Variants in TRIM35 observed in about 807,000 individuals in gnomAD.
TRIM35 encodes the protein E3 ubiquitin-protein ligase TRIM35.
A neutral mutation model predicts 49.1 loss-of-function variants in TRIM35; 37 were observed. The ratio of observed to expected loss-of-function variants is 0.75; its 90% confidence interval spans 0.58 to 0.99. The LOEUF is 0.99. TRIM35 is among the 50% of genes least tolerant of loss of function. TRIM35 has a pLI of 0.00. For missense variants in TRIM35, 648 were observed against 702.7 expected (o/e 0.92, Z 0.88); for synonymous variants, 302 against 289.3 (o/e 1.04, Z -0.45).
chr8:27,308,321 A>C (rs1802829590), intron 1 of TRIM35, among the ~76,000 whole-genome samples: 3 of 152,246 alleles, frequency 2.0e-5, no homozygotes. Flanking sequence ...CATCTAGCAC[A>C]CAGTGAGCAC....
rs1024955869 is a variant in TRIM35 at position 27,286,853 on chromosome 8, A to C, written c.*697T>G. On this transcript the variant is annotated 3_prime_UTR_variant, in exon 6 of 6. Transcript: ENST00000305364. ...TTCCTATGGAAACCAACTAATCCGG[A>C]GCGATGGCGCCAGCTGCCTCCTTCA... 2.0e-5 allele frequency: 3 copies of C among 152,662 alleles called. No homozygotes were observed. Among genetic ancestry groups the C allele is most frequent in the African/African-American group, 7.2e-5 (3 of 41,432 alleles). 9.5% of individuals were successfully genotyped at this position (152,662 alleles called of 1,614,324 possible).
In TRIM35 at chr8:27,311,088, C is replaced by A; in HGVS notation, c.148G>T (p.Glu50Ter). 1 of 1,597,426 alleles carries A rather than the reference C, an allele frequency of 6.3e-7. No homozygotes were observed. Among genetic ancestry groups the A allele is most frequent in the Non-Finnish European group, 8.5e-7 (1 of 1,172,960 alleles). Residue 50 changes from glutamate to a stop codon, truncating the protein, a stop_gained, in exon 1 of 6, where the codon GAG becomes TAG. Transcript: ENST00000305364. LOFTEE classifies it high-confidence loss of function. ...GGGCAGGTGGGCGACACCTGCACCTCCCAGCAGCGGCTCACGCACCCGCGG... is the reference window on the plus strand; with the variant it reads ...GGGCAGGTGGGCGACACCTGCACCTACCAGCAGCGGCTCACGCACCCGCGG... Reference protein sequence around the residue: ...FCRGCVSRCWEVQVSPTCPVC... With the variant: ...FCRGCVSRCW
At chr8:27,292,315 G>A (rs577361748) in intron 3 of TRIM35, among the ~76,000 whole-genome samples, 1 of 152,190 alleles carries the variant, frequency 6.6e-6, no homozygotes, top group South Asian at 2.1e-4. Context: ...ATCTAGGTGT[G>A]CAGTAGGCTA....
intron 3 of TRIM35, among the ~76,000 whole-genome samples, chr8:27,291,583 A>G (rs1303274154): frequency 2.0e-5 from 3 of 152,366 alleles, no homozygotes; most frequent in South Asian, 4.1e-4. Context: ...ACATGTCCAC[A>G]TAAAAATTGC....
intron 1 of TRIM35, among the ~76,000 whole-genome samples, chr8:27,306,120 C>T (rs1802779051): frequency 6.6e-6 from 1 of 151,856 alleles, no homozygotes; most frequent in Non-Finnish European, 1.5e-5. Flanking sequence ...ATCCACTTCT[C>T]ATTACTTAGA....
Position 27,286,325 on chromosome 8 carries a change from A to C in TRIM35, c.*1225T>G, listed in dbSNP as rs1005185617. 11 of 376,892 alleles carry C rather than the reference A, an allele frequency of 2.9e-5. No individual in the cohort carries two copies. The highest frequency in any genetic ancestry group is 1.7e-4 in the African/African-American group (8 of 47,460). The allele number at this position is 376,892 out of a possible 1,614,324, so 23.3% of individuals were successfully genotyped here. ...AGCATGACCAGGCTGAAGTCAGCAG[A>C]GACAAGAGGGCAGCGAGGCCCAGCC... is the stretch of plus-strand genomic sequence containing the variant. On this transcript the variant is annotated 3_prime_UTR_variant, in exon 6 of 6. Transcript: ENST00000305364.
Position 27,287,813 on chromosome 8 carries a change from C to T in TRIM35, c.1219G>A (p.Gly407Arg). Residue 407 changes from glycine to arginine, a missense_variant, in exon 6 of 6, where the codon GGG becomes AGG. Coordinates refer to ENST00000305364, the MANE Select transcript of TRIM35 (RefSeq NM_171982.5). The surrounding 1 kb of genome is among the most constrained non-coding windows in gnomAD (Gnocchi z 6.0). ...GGGTCCGAGGTCACGCAGTGGTCCCCCTCCACGCCCTGCGTGCGGCAGACA... is the reference window on the plus strand; with the variant it reads ...GGGTCCGAGGTCACGCAGTGGTCCCTCTCCACGCCCTGCGTGCGGCAGACA... ...WYVCRTQGVE[G>R]DHCVTSDPAT... is the part of the protein sequence containing the mutation. The T allele has an allele frequency of 6.2e-7, 1 of 1,611,304 alleles. No individual in the cohort carries two copies. The highest frequency in any genetic ancestry group is 2.2e-5 in the East Asian group (1 of 44,724).
Position 27,311,004 on chromosome 8 carries a change from G to C in TRIM35, c.232C>G (p.Leu78Val). The part of the protein sequence containing the change: ...DLRTNHTLNN[L>V]VEKLLREEAE... The stretch of plus-strand genomic sequence containing the variant: ...TCCTCGCGCAGCAGCTTCTCCACCA[G>C]GTTGTTGAGGGTGTGGTTGGTGCGC... The change falls in exon 1 of 6, where the codon CTG (leucine) becomes GTG (valine). Residue 78 changes from leucine (L) to valine (V), a missense_variant. Leu to Val is a conservative substitution (Grantham distance 32). Transcript: ENST00000305364. The C allele has an allele frequency of 1.4e-5, 23 of 1,611,304 alleles. No homozygotes were observed. Among genetic ancestry groups the C allele is most frequent in the Non-Finnish European group, 2.0e-5 (23 of 1,179,026 alleles).
intron 3 of TRIM35, among the ~76,000 whole-genome samples, chr8:27,291,765 G>C (rs1563438357): frequency 6.6e-6 from 1 of 152,180 alleles, no homozygotes; most frequent in Non-Finnish European, 1.5e-5. Flanking sequence ...CAAGAGCATG[G>C]CACCAGCATC....
At chr8:27,291,089 G>T (rs1409482504) in intron 3 of TRIM35, among the ~76,000 whole-genome samples, 5 of 143,900 alleles carry the variant, frequency 3.5e-5, no homozygotes, top group African/African-American at 7.7e-5. Context: ...AGTGAAGTTG[G>T]ACTAACCCTT....
intron 3 of TRIM35, among the ~76,000 whole-genome samples, chr8:27,290,545 G>C (rs1343799374): frequency 1.3e-5 from 2 of 152,196 alleles, no homozygotes; most frequent in Non-Finnish European, 2.9e-5. Context: ...TCTGCCATGA[G>C]ATGACCCACA....
chr8:27,287,922 C>T lies in TRIM35; in HGVS notation c.1110G>A (p.Val370=). 6.2e-7 allele frequency: 1 copy of T among 1,613,054 alleles called. No individual in the cohort carries two copies. Among genetic ancestry groups the T allele is most frequent in the Non-Finnish European group, 8.5e-7 (1 of 1,179,826 alleles). ...AGTCCTGGCGCACACGTACCACGCC[C>T]ACCCTCCAGCTCTGCAGCCCCCCAA... The part of the protein sequence containing the change: ...VALGGLQSWR[V]GVVRVRQDSG... The change falls in exon 6 of 6, where the codon GTG becomes GTA. Residue 370 remains valine, a synonymous_variant. Transcript: ENST00000305364. The surrounding 1 kb of genome is among the most constrained non-coding windows in gnomAD (Gnocchi z 6.0).
intron 1 of TRIM35, chr8:27,304,800 G>A (rs1473369161): frequency 6.6e-6 from 3 of 456,596 alleles, no homozygotes; most frequent in African/African-American, 4.0e-5. Context: ...CTGGTTTGGA[G>A]CCTTGTCTTT....
rs1400872608 is a variant in TRIM35, at chr8:27,289,254, G to C, written c.812C>G (p.Pro271Arg). Residue 271 changes from proline (P) to arginine (R), a missense_variant, in exon 5 of 6, where the codon CCA becomes CGA. Physicochemically the swap from Pro to Arg is moderately radical, Grantham distance 103 (BLOSUM62 -2). Coordinates refer to ENST00000305364, the MANE Select transcript of TRIM35 (RefSeq NM_171982.5). ...ATCGATAAGCATGCCGGGCTGGACTGGCTCTGGCTCCATGGTGCAGAAGAG... is the reference window on the plus strand; with the variant it reads ...ATCGATAAGCATGCCGGGCTGGACTCGCTCTGGCTCCATGGTGCAGAAGAG... ...RRLFCTMEPE[P>R]VQPGMLIDVC... 1 of 1,614,022 alleles carries C rather than the reference G, an allele frequency of 6.2e-7. No individual in the cohort carries two copies. The highest frequency in any genetic ancestry group is 1.7e-5 in the Admixed American group (1 of 60,002).
rs925874889 is a variant in TRIM35, at chr8:27,286,458, A to C, written c.*1092T>G. On this transcript the variant is annotated 3_prime_UTR_variant, in exon 6 of 6. Coordinates refer to ENST00000305364, the MANE Select transcript of TRIM35 (RefSeq NM_171982.5). ...CTTTCCTTCTTTTCTGCAGACGCTG[A>C]TGAGAATTAACCAGAGGAACTTCCT... is the stretch of plus-strand genomic sequence containing the variant. The C allele has an allele frequency of 3.3e-5, 9 of 270,852 alleles. No homozygotes were observed. The highest frequency in any genetic ancestry group is 1.8e-4 in the African/African-American group (8 of 45,096). The allele number at this position is 270,852 out of a possible 1,614,324, so 16.8% of individuals were successfully genotyped here.
chr8:27,309,548 G>A (rs1349270156), intron 1 of TRIM35, among the ~76,000 whole-genome samples: 4 of 152,188 alleles, frequency 2.6e-5, no homozygotes, highest in African/African-American at 9.7e-5. Context: ...CAGAAACCAG[G>A]CACAGGGGAC....
At chr8:27,290,419 AG>A (rs1314673398) in intron 3 of TRIM35, among the ~76,000 whole-genome samples, 1 of 152,202 alleles carries the variant, frequency 6.6e-6, no homozygotes, top group African/African-American at 2.4e-5. Context: ...TTGGGTCATG[AG>A]GGCAGAGCCC....
At chr8:27,289,339 T>C in intron 4 of TRIM35, 59 bp from the exon 5 acceptor site, 2 of 1,399,526 alleles carry the variant, frequency 1.4e-6, no homozygotes, top group Non-Finnish European at 1.0e-6. Context: ...TGGGCCGAAC[T>C]GGGCCAACTG....
At chr8:27,307,510 A>G (rs1802811719) in intron 1 of TRIM35, among the ~76,000 whole-genome samples, 1 of 152,170 alleles carries the variant, frequency 6.6e-6, no homozygotes, top group Non-Finnish European at 1.5e-5. Context: ...GAAACTATGT[A>G]ATTATTAGTG....
Sources: gnomAD v4.1 joint callset for allele counts (sites outside exome capture counted in the v4.1 genomes callset) on GRCh38, gnomAD v4.1.1 for gene constraint, Gnocchi (gnomAD v3.1) non-coding constraint, MANE v1.5 for transcripts, NCBI Gene and HGNC (gene_info 2026-07-23, HGNC 2026-07-21) for gene names.